Variants in TMLHE observed in about 807,000 individuals in gnomAD.
TMLHE encodes the protein trimethyllysine hydroxylase, epsilon, also known as trimethyllysine dioxygenase, mitochondrial.
In TMLHE, 18 loss-of-function variants were observed where a neutral mutation model predicts 25.7. That is an observed-to-expected ratio of 0.70 (90% CI 0.48 to 1.04). TMLHE has a LOEUF of 1.04. Among genes scored for constraint, TMLHE ranks in the 50% least tolerant of loss-of-function variants. TMLHE has a pLI of 0.00. For missense variants in TMLHE, 236 were observed against 259.0 expected (o/e 0.91, Z 0.61); for synonymous variants, 105 against 97.0 (o/e 1.08, Z -0.49).
intron 2 of TMLHE, 58 bp downstream of exon 2, chrX:155,545,038 A>G (rs1385154394): frequency 8.6e-7 from 1 of 1,158,100 alleles, no homozygotes; most frequent in Non-Finnish European, 1.2e-6. Context: ...ATGTGCTGCC[A>G]AAGCAAACAT....
chrX:155,545,219 C>G lies in TMLHE; in HGVS notation c.58G>C (p.Gly20Arg). 8.3e-7 allele frequency: 1 copy of G among 1,209,087 alleles called. No individual in the cohort carries two copies. The highest frequency in any genetic ancestry group is 1.8e-5 in the South Asian group (1 of 56,522). ...TGTGGAAGGGCCGGATATATGACTC[C>G]TCCCTTCAGCAAGTCCTGAAGCCTG... ...HSRLQDLLKG[G>R]VIYPALPQPN... The change falls in exon 2 of 8, where the codon GGA becomes CGA. Residue 20 changes from glycine to arginine, a missense_variant. By Grantham distance (125) the Gly-to-Arg change is moderately radical. This residue lies in a region of TMLHE where 217 missense variants were observed against 214.6 expected (regional missense o/e 1.01). Transcript: ENST00000334398.
At chrX:155,530,792 C>G (rs985580619) in intron 2 of TMLHE, among the ~76,000 whole-genome samples, 2 of 112,596 alleles carry the variant, frequency 1.8e-5, no homozygotes, top group Non-Finnish European at 3.7e-5. Flanking sequence ...TGCTCCCACT[C>G]CTATTCCTCC....
chrX:155,608,038 T>C (rs1175638790), intron 1 of TMLHE, among the ~76,000 whole-genome samples: 1 of 111,249 alleles, frequency 9.0e-6, no homozygotes, highest in Admixed American at 9.5e-5. Flanking sequence ...ATGGCATTCT[T>C]CACATAATTA....
intron 1 of TMLHE, among the ~76,000 whole-genome samples, chrX:155,551,783 T>C (rs1042807590): frequency 1.8e-5 from 2 of 110,494 alleles, no homozygotes; most frequent in African/African-American, 3.4e-5. Flanking sequence ...TCTGCCTTTA[T>C]TGACTATTGT....
intron 1 of TMLHE, among the ~76,000 whole-genome samples, chrX:155,583,977 A>G (rs1157070005): frequency 4.5e-5 from 5 of 111,659 alleles, no homozygotes; most frequent in African/African-American, 1.6e-4. Context: ...AAAAGAAAAA[A>G]ATTCACAATG....
chrX:155,545,626 A>G (rs1557338626), intron 1 of TMLHE, among the ~76,000 whole-genome samples: 1 of 112,276 alleles, frequency 8.9e-6, no homozygotes, highest in Non-Finnish European at 1.9e-5. Context: ...TGGTGGTCCC[A>G]TAAGATTATA....
At chrX:155,595,370 T>A (rs1230636840) in intron 1 of TMLHE, among the ~76,000 whole-genome samples, 3 of 112,121 alleles carry the variant, frequency 2.7e-5, no homozygotes, top group Non-Finnish European at 3.8e-5. Context: ...TAAGAAGTGA[T>A]CTCTCATGAT....
intron 1 of TMLHE, among the ~76,000 whole-genome samples, chrX:155,607,739 A>G (rs2067795267): frequency 8.9e-6 from 1 of 112,081 alleles, no homozygotes; most frequent in African/African-American, 3.2e-5. Flanking sequence ...ATGTACAAAA[A>G]TCAGTAGCAT....
chrX:155,609,727 G>A (rs2067808211), intron 1 of TMLHE, among the ~76,000 whole-genome samples: 1 of 111,517 alleles, frequency 9.0e-6, no homozygotes, highest in Admixed American at 9.5e-5. Context: ...AATATGTGAG[G>A]AGACATTTCT....
intron 1 of TMLHE, among the ~76,000 whole-genome samples, chrX:155,555,011 C>G (rs1288072090): frequency 9.1e-6 from 1 of 109,730 alleles, no homozygotes; most frequent in East Asian, 2.8e-4. Flanking sequence ...AGGTATTTCT[C>G]CTAATGCTAT....
At chrX:155,555,159 C>A (rs972832441) in intron 1 of TMLHE, among the ~76,000 whole-genome samples, 1 of 92,360 alleles carries the variant, frequency 1.1e-5, no homozygotes, top group Non-Finnish European at 2.2e-5. Context: ...TGATAGTTTG[C>A]TGAGAATGGT....
intron 1 of TMLHE, among the ~76,000 whole-genome samples, chrX:155,551,987 T>C (rs2067418701): frequency 3.6e-5 from 4 of 110,427 alleles, no homozygotes; most frequent in Non-Finnish European, 7.5e-5. Flanking sequence ...TTTTTGCATT[T>C]ATTGATTTGA....
At chrX:155,539,424 C>T (rs1557337955) in intron 2 of TMLHE, among the ~76,000 whole-genome samples, 2 of 110,994 alleles carry the variant, frequency 1.8e-5, no homozygotes, top group Non-Finnish European at 3.8e-5. Context: ...AAGGGGAACT[C>T]CTGAATAGAA....
intron 1 of TMLHE, among the ~76,000 whole-genome samples, chrX:155,547,345 C>T (rs983699033): frequency 2.8e-5 from 3 of 108,120 alleles, no homozygotes; most frequent in Admixed American, 9.9e-5. Context: ...GGGGTTTCAC[C>T]GTGTTAGCCA....
intron 1 of TMLHE, among the ~76,000 whole-genome samples, chrX:155,554,720 CT>C (rs782585914): frequency 9.1e-6 from 1 of 109,587 alleles, no homozygotes; most frequent in African/African-American, 3.3e-5. Context: ...GTTGTAAAAT[CT>C]TTTCCCCTGG....
intron 1 of TMLHE, among the ~76,000 whole-genome samples, chrX:155,582,524 C>T (rs1202814381): frequency 8.9e-6 from 1 of 112,123 alleles, no homozygotes; most frequent in African/African-American, 3.2e-5. Context: ...GATATGAAGA[C>T]ACTTCTCAAA....
At chrX:155,555,374 A>C (rs1275481639) in intron 1 of TMLHE, among the ~76,000 whole-genome samples, 1 of 110,327 alleles carries the variant, frequency 9.1e-6, no homozygotes, top group African/African-American at 3.3e-5. Context: ...ATGATTTATA[A>C]TCCTTTGGGT....
At position 155,570,867 on chromosome X, in the gene TMLHE, C is replaced by G. The variant is rs192088263; in HGVS notation, c.-1-25590G>C. Among the ~76,000 whole-genome samples, 2 of 57,328 alleles carry G rather than the reference C, an allele frequency of 3.5e-5. 1 individual carries two copies. Among genetic ancestry groups the G allele is most frequent in the Admixed American group, 4.1e-4 (2 of 4,918 alleles). The allele number at this position is 57,328 out of a possible 115,157, so 49.8% of individuals were successfully genotyped here. The stretch of plus-strand genomic sequence containing the variant: ...AGGGAAATTTATAGCACTAAATACC[C>G]ACAAGAGAAGCAGGAAAGATCCAAA... On this transcript the variant is annotated intron_variant, in intron 1 of 7. Coordinates refer to ENST00000334398, the MANE Select transcript of TMLHE (RefSeq NM_018196.4).
chrX:155,520,239 T>G (rs1464936684), intron 3 of TMLHE, among the ~76,000 whole-genome samples: 1 of 6,943 alleles, frequency 1.4e-4, no homozygotes, highest in Non-Finnish European at 3.7e-4. Context: ...TCTCTCAGCA[T>G]TTGCTTGTCT....
Sources: gnomAD v4.1 joint callset for allele counts (sites outside exome capture counted in the v4.1 genomes callset) on GRCh38, gnomAD v4.1.1 for gene constraint, gnomAD v4.1.1 regional missense constraint, MANE v1.5 for transcripts, NCBI Gene and HGNC (gene_info 2026-07-23, HGNC 2026-07-21) for gene names.